IL1RAPL2: variants seen among roughly 807,000 people sequenced by gnomAD.
IL1RAPL2 encodes X-linked interleukin-1 receptor accessory protein-like 2.
IL1RAPL2 carries 3 observed loss-of-function variants against 44.1 expected under a neutral mutation model. The observed-to-expected ratio is 0.07, with a 90% CI of 0.03 to 0.18. IL1RAPL2 has a LOEUF of 0.18. Among genes scored for constraint, IL1RAPL2 ranks in the 10% least tolerant of loss-of-function variants. IL1RAPL2 has a pLI of 1.00. For missense variants in IL1RAPL2, 391 were observed against 496.4 expected (o/e 0.79, Z 2.02); for synonymous variants, 181 against 178.8 (o/e 1.01, Z -0.10).
intron 6 of IL1RAPL2, among the ~76,000 whole-genome samples, chrX:105,582,040 A>G (rs2037092947): frequency 9.0e-6 from 1 of 111,250 alleles, no homozygotes; most frequent in Non-Finnish European, 1.9e-5. Context: ...TGTCAAGGAT[A>G]TAATCCCTTC....
At chrX:105,244,368 A>T (rs1405587158) in intron 4 of IL1RAPL2, among the ~76,000 whole-genome samples, 1 of 111,437 alleles carries the variant, frequency 9.0e-6, no homozygotes. Flanking sequence ...CAAATTTTAT[A>T]CCCCCTGCAA....
intron 6 of IL1RAPL2, among the ~76,000 whole-genome samples, chrX:105,672,669 C>T (rs2037834395): frequency 8.9e-6 from 1 of 111,990 alleles, no homozygotes; most frequent in Non-Finnish European, 1.9e-5. Flanking sequence ...ATTTGGCCAT[C>T]TCTGATACCA....
chrX:105,062,082 G>GT (rs767710533), intron 2 of IL1RAPL2, among the ~76,000 whole-genome samples: 1 of 111,130 alleles, frequency 9.0e-6, no homozygotes. Flanking sequence ...GTTTTCTGGG[G>GT]TTTTTTGTAG....
intron 3 of IL1RAPL2, among the ~76,000 whole-genome samples, chrX:105,207,709 C>T (rs782366381): frequency 8.9e-6 from 1 of 111,956 alleles, no homozygotes; most frequent in East Asian, 2.8e-4. Flanking sequence ...AATTCTTCAG[C>T]TCTTTCTGCC....
chrX:105,385,400 CTCTGT>C (rs1431728784), intron 5 of IL1RAPL2, among the ~76,000 whole-genome samples: 1 of 110,869 alleles, frequency 9.0e-6, no homozygotes, highest in Non-Finnish European at 1.9e-5. Flanking sequence ...GCCAAGAATC[CTCTGT>C]TTATAAGGGG....
At chrX:105,382,730 A>G (rs78637254) in intron 5 of IL1RAPL2, among the ~76,000 whole-genome samples, 2 of 95,116 alleles carry the variant, frequency 2.1e-5, no homozygotes, top group Non-Finnish European at 3.8e-5. Flanking sequence ...CAAATGTCCA[A>G]CAATGATAGA....
intron 2 of IL1RAPL2, among the ~76,000 whole-genome samples, chrX:104,785,115 G>C (rs760186612): frequency 9.1e-6 from 1 of 109,960 alleles, no homozygotes; most frequent in African/African-American, 3.3e-5. Flanking sequence ...GGGCTCAAGT[G>C]ATCCTCCCAC....
At chrX:105,048,646 C>A (rs773771395) in intron 2 of IL1RAPL2, among the ~76,000 whole-genome samples, 1 of 110,980 alleles carries the variant, frequency 9.0e-6, no homozygotes, top group African/African-American at 3.3e-5. Context: ...TCACACGTGG[C>A]CAGTAGCTGC....
intron 2 of IL1RAPL2, among the ~76,000 whole-genome samples, chrX:104,711,184 A>C (rs1931450102): frequency 9.0e-6 from 1 of 111,629 alleles, no homozygotes; most frequent in Admixed American, 9.5e-5. Flanking sequence ...TGTGTAGCCT[A>C]GGAGCAATAG....
At chrX:104,746,973 C>T (rs781448153) in intron 2 of IL1RAPL2, among the ~76,000 whole-genome samples, 2 of 111,595 alleles carry the variant, frequency 1.8e-5, no homozygotes, top group East Asian at 2.8e-4. Context: ...GTCCTTAGAT[C>T]TAACATTTTA....
At chrX:104,655,801 C>A (rs1441120594) in intron 1 of IL1RAPL2, among the ~76,000 whole-genome samples, 1 of 111,197 alleles carries the variant, frequency 9.0e-6, no homozygotes, top group Non-Finnish European at 1.9e-5. Flanking sequence ...CCATCAGGTC[C>A]TGGACTTTTT....
rs1050193318 is a variant in IL1RAPL2 at position 105,563,211 on chromosome X, T to C, written c.772+78824T>C. The stretch of plus-strand genomic sequence containing the variant: ...ACCAAAATCCTGTGAGGTAGGATCA[T>C]TATTATGTTTGTTTTACAAATGGGG... On this transcript the variant is annotated intron_variant, in intron 6 of 10. Transcript: ENST00000372582. Among the ~76,000 whole-genome samples, 3 of 111,907 alleles carry C rather than the reference T, an allele frequency of 2.7e-5. No homozygotes were observed. The Admixed American group carries it at 2.8e-4, about 11-fold the overall frequency.
At chrX:105,183,292 G>T (rs1351008092) in intron 2 of IL1RAPL2, among the ~76,000 whole-genome samples, 1 of 111,654 alleles carries the variant, frequency 9.0e-6, no homozygotes, top group East Asian at 2.8e-4. Flanking sequence ...AAGCCAGTGG[G>T]CAGCTTTCAG....
At chrX:104,785,469 G>T (rs1417156007) in intron 2 of IL1RAPL2, among the ~76,000 whole-genome samples, 1 of 111,739 alleles carries the variant, frequency 8.9e-6, no homozygotes, top group African/African-American at 3.3e-5. Context: ...AGCCTATGTT[G>T]GTGTTTTCTC....
At chrX:104,876,961 T>C (rs1238703371) in intron 2 of IL1RAPL2, among the ~76,000 whole-genome samples, 1 of 108,539 alleles carries the variant, frequency 9.2e-6, no homozygotes, top group Non-Finnish European at 1.9e-5. Context: ...TTCCCACCGA[T>C]GAGTGAGAAC....
intron 2 of IL1RAPL2, among the ~76,000 whole-genome samples, chrX:105,073,043 TTC>T (rs1302534098): frequency 1.1e-4 from 12 of 106,175 alleles, no homozygotes; most frequent in African/African-American, 3.2e-4. Context: ...TTCTTTTTTT[TTC>T]TTTTTTTTAT....
intron 2 of IL1RAPL2, among the ~76,000 whole-genome samples, chrX:105,034,383 G>A (rs868283690): frequency 8.1e-5 from 9 of 111,666 alleles, no homozygotes; most frequent in African/African-American, 2.9e-4. Flanking sequence ...TGATGATGGT[G>A]ATGTACAGAT....
At chrX:104,746,914 G>T (rs751486232) in intron 2 of IL1RAPL2, among the ~76,000 whole-genome samples, 3 of 111,264 alleles carry the variant, frequency 2.7e-5, no homozygotes, top group Non-Finnish European at 5.7e-5. Flanking sequence ...GTGGTTCACA[G>T]AATTTGGAAG....
intron 8 of IL1RAPL2, among the ~76,000 whole-genome samples, chrX:105,748,522 ATGT>A (rs937893247): frequency 8.9e-6 from 1 of 112,263 alleles, no homozygotes; most frequent in Non-Finnish European, 1.9e-5. Context: ...TAATTTTATG[ATGT>A]TGTTCTGCAA....
Sources: gnomAD v4.1 joint callset for allele counts (sites outside exome capture counted in the v4.1 genomes callset) on GRCh38, gnomAD v4.1.1 for gene constraint, MANE v1.5 for transcripts, NCBI Gene and HGNC (gene_info 2026-07-23, HGNC 2026-07-21) for gene names.